The following CELSR1 variants were observed in gnomAD, a reference collection of about 807,000 sequenced individuals.
CELSR1 encodes the protein adhesion G protein-coupled receptor C1.
In CELSR1, 110 loss-of-function variants were observed where a neutral mutation model predicts 249.1. That is an observed-to-expected ratio of 0.44 (90% CI 0.38 to 0.52). The LOEUF is 0.52. Ranked by LOEUF, CELSR1 falls within the 20% of genes least tolerant of loss-of-function variation. CELSR1 has a pLI of 0.00. For missense variants in CELSR1, 4,109 were observed against 4,296.4 expected, an observed-to-expected ratio of 0.96 and a Z score of 1.22; for synonymous variants, 2,113 against 1,900.0, an observed-to-expected ratio of 1.11 and a Z score of -2.92.
In CELSR1 at chr22:46,381,281, A is replaced by G. The variant is rs1324732922; in HGVS notation, c.7089-326T>C. Among the ~76,000 whole-genome samples, 2 of 152,202 alleles carry G rather than the reference A, an allele frequency of 1.3e-5. No individual in the cohort carries two copies. Among genetic ancestry groups the G allele is most frequent in the African/African-American group, 4.8e-5 (2 of 41,452 alleles). ...CAGGGGATGGTTTCAGTGTCCAGCA[A>G]AAGACACCAAAATAATGGCAGCTCA... On this transcript the variant is annotated intron_variant, in intron 21 of 34. Transcript: ENST00000674500. This position sits in a 1 kb window ranked among gnomAD's most constrained non-coding sequence, Gnocchi z 6.0.
Position 46,433,422 on chromosome 22 carries a change from G to A in CELSR1, c.4582C>T (p.His1528Tyr), listed in dbSNP as rs1188640166. The change falls in exon 5 of 35, where the codon CAC (histidine) becomes TAC (tyrosine). Residue 1528 changes from histidine to tyrosine, a missense_variant. By Grantham distance (83) the His-to-Tyr change is moderately conservative. Coordinates refer to ENST00000674500, the MANE Select transcript of CELSR1 (RefSeq NM_001378328.1). The surrounding 1 kb of genome is among the most constrained non-coding windows in gnomAD (Gnocchi z 5.7). ...VPSGVSDGRW[H>Y]SVQVQYYNKP... Reference sequence around the variant, plus strand: ...TTGTAGTACTGCACCTGCACAGAGTGCCACCGCCCGTCACTCACACCACTG... The same window carrying A: ...TTGTAGTACTGCACCTGCACAGAGTACCACCGCCCGTCACTCACACCACTG... The A allele has an allele frequency of 2.5e-6, 4 of 1,613,958 alleles. No individual in the cohort carries two copies. The highest frequency in any genetic ancestry group is 3.4e-6 in the Non-Finnish European group (4 of 1,179,928).
rs2079341227 is a variant in CELSR1, at chr22:46,411,878, G to A, written c.4612-119C>T. On this transcript the variant is annotated intron_variant, in intron 5 of 34. Coordinates refer to ENST00000674500, the MANE Select transcript of CELSR1 (RefSeq NM_001378328.1). The surrounding 1 kb of genome is among the most constrained non-coding windows in gnomAD (Gnocchi z 4.2). ...CACAGGGTGGGCGGCACGTAGACAA[G>A]GGATGAGGAGCCCCCGGCCTTTAGT... 1.6e-6 allele frequency: 2 copies of A among 1,282,550 alleles called. No homozygotes were observed. Among genetic ancestry groups the A allele is most frequent in the Admixed American group, 1.8e-5 (1 of 55,022 alleles). 79.4% of individuals were successfully genotyped at this position (1,282,550 alleles called of 1,614,324 possible).
chr22:46,443,057 C>A (rs8135657), intron 2 of CELSR1, among the ~76,000 whole-genome samples: 1 of 151,788 alleles, frequency 6.6e-6, no homozygotes, highest in Non-Finnish European at 1.5e-5. Context: ...GAGATCGCAC[C>A]GCGGCACTCC....
chr22:46,367,058 C>A lies in CELSR1; in HGVS notation c.8140G>T (p.Gly2714Cys). Residue 2714 changes from glycine (G) to cysteine (C), a missense_variant, in exon 29 of 35, where the codon GGC (glycine) becomes TGC (cysteine). Around this residue, in one of 7 missense-constraint regions of CELSR1, gnomAD observed 1,805 missense variants for 1,831.6 expected, o/e 0.99. Transcript: ENST00000674500. ...LNQEVRKHLK[G>C]VLGGRKLHLE... ...TGCAGCTTCCTCCCGCCGAGCACGC[C>A]CTTCAGGTGCTTCCGGACCTCCTGG... 1 of 1,611,522 alleles carries A rather than the reference C, an allele frequency of 6.2e-7. No individual in the cohort carries two copies. Among genetic ancestry groups the A allele is most frequent in the Non-Finnish European group, 8.5e-7 (1 of 1,179,698 alleles).
intron 18 of CELSR1, among the ~76,000 whole-genome samples, chr22:46,386,986 G>A (rs1357677641): frequency 6.6e-6 from 1 of 152,104 alleles, no homozygotes; most frequent in Non-Finnish European, 1.5e-5. Flanking sequence ...TTGAACTCCT[G>A]ACCTCAGGTG....
Position 46,472,243 on chromosome 22 carries a change from T to C in CELSR1, c.3545-7898A>G, listed in dbSNP as rs2080163234. Among the ~76,000 whole-genome samples, 1 of 152,236 alleles carries C rather than the reference T, an allele frequency of 6.6e-6. No homozygotes were observed. Among genetic ancestry groups the C allele is most frequent in the South Asian group, 2.1e-4 (1 of 4,838 alleles). On this transcript the variant is annotated intron_variant, in intron 1 of 34. Transcript: ENST00000674500. The surrounding 1 kb of genome is among the most constrained non-coding windows in gnomAD (Gnocchi z 7.0). ...AACCACATCATGGGAAGGAACTTTC[T>C]GGGTCTTCATGGAGGTTGGGACCTG...
rs1037997026 is a variant in CELSR1 at position 46,389,430 on chromosome 22, G to A, written c.6415C>T (p.Arg2139Cys). The change falls in exon 18 of 35, where the codon CGC (arginine) becomes TGC (cysteine). Residue 2139 changes from arginine to cysteine, a missense_variant. Transcript: ENST00000674500. ...GTGCCCGTGTGCTGTGTAGCACTGC[G>A]CAGCGCCCTCACCAGCTGCAGGGCC... ...ARALQLVRAL[R>C]SATQHTGTLF... 13 of 1,612,686 alleles carry A rather than the reference G, an allele frequency of 8.1e-6. No individual in the cohort carries two copies. Among genetic ancestry groups the A allele is most frequent in the Middle Eastern group, 1.6e-4 (1 of 6,068 alleles).
At chr22:46,459,751 C>G (rs1412800456) in intron 2 of CELSR1, among the ~76,000 whole-genome samples, 2 of 152,238 alleles carry the variant, frequency 1.3e-5, no homozygotes, top group Admixed American at 1.3e-4. Flanking sequence ...CAAAATCACC[C>G]CTAGTGGAGA....
At chr22:46,459,140 G>A (rs149070055) in intron 2 of CELSR1, among the ~76,000 whole-genome samples, 579 of 152,174 alleles carry the variant, frequency 3.8e-3, no homozygotes, top group Non-Finnish European at 5.5e-3. Context: ...CACGTGCCTC[G>A]GCCTCCCAAA....
In CELSR1 at chr22:46,368,964, ACCT is replaced by A. The variant is rs896701259; in HGVS notation, c.7952+212_7952+214del. 4.1e-4 allele frequency among the ~76,000 whole-genome samples: 61 copies of A among 150,266 alleles called. 1 individual carries two copies. The highest frequency in any genetic ancestry group is 2.3e-3 in the South Asian group (11 of 4,732). On this transcript the variant is annotated intron_variant, in intron 27 of 34. Transcript: ENST00000674500. ...GCTGCCAGCCCCCTCCCTTCAGCTAACCTCCTCCAGCCCCCTCCCCTCAGCTAA... is the reference window on the plus strand; with the variant it reads ...GCTGCCAGCCCCCTCCCTTCAGCTAACCTCCAGCCCCCTCCCCTCAGCTAA...
At chr22:46,451,600 AC>A (rs2147522497) in intron 2 of CELSR1, among the ~76,000 whole-genome samples, 1 of 151,942 alleles carries the variant, frequency 6.6e-6, no homozygotes, top group East Asian at 2.0e-4. Flanking sequence ...GGCCCAGGTG[AC>A]CCCAGCCTGG....
In CELSR1 at chr22:46,395,381, G is replaced by A. The variant is rs903149816; in HGVS notation, c.5844-1119C>T. On this transcript the variant is annotated intron_variant, in intron 13 of 34. Coordinates refer to ENST00000674500, the MANE Select transcript of CELSR1 (RefSeq NM_001378328.1). The surrounding 1 kb of genome is among the most constrained non-coding windows in gnomAD (Gnocchi z 5.5). ...CAGCCGAATTCTGTTCCTGGCTTGC[G>A]GGCCCACCTCTGTCCCCACCCAGGC... is the stretch of plus-strand genomic sequence containing the variant. Among the ~76,000 whole-genome samples, 9 of 151,976 alleles carry A rather than the reference G, an allele frequency of 5.9e-5. No homozygotes were observed. The highest frequency in any genetic ancestry group is 4.2e-4 in the South Asian group (2 of 4,812).
chr22:46,521,663 A>G (rs1200849522), intron 1 of CELSR1, among the ~76,000 whole-genome samples: 2 of 151,774 alleles, frequency 1.3e-5, no homozygotes, highest in African/African-American at 2.4e-5. Flanking sequence ...CTAAAAATAT[A>G]AAAATTAGCC....
intron 5 of CELSR1, among the ~76,000 whole-genome samples, chr22:46,414,282 C>G: frequency 6.6e-6 from 1 of 152,174 alleles, no homozygotes; most frequent in South Asian, 2.1e-4. Context: ...CCACCGGCGG[C>G]CACTGGGTCA....
rs772588186 is a variant in CELSR1 at position 46,398,383 on chromosome 22, T to TA, written c.5526+140dup. Reference sequence around the variant, plus strand: ...GGTCTGAAGAGGAAACAGGAGCTGTTAAAGTGGGGATGCCTGTCAGACAAA... The same window carrying TA: ...GGTCTGAAGAGGAAACAGGAGCTGTTAAAAGTGGGGATGCCTGTCAGACAAA... On this transcript the variant is annotated intron_variant, in intron 11 of 34. Coordinates refer to ENST00000674500, the MANE Select transcript of CELSR1 (RefSeq NM_001378328.1). The surrounding 1 kb of genome is among the most constrained non-coding windows in gnomAD (Gnocchi z 7.2). 140 of 615,796 alleles carry TA rather than the reference T, an allele frequency of 2.3e-4. No individual in the cohort carries two copies. In the South Asian group the frequency reaches 2.7e-3, roughly 12 times the overall value. The allele number at this position is 615,796 out of a possible 1,614,324, so 38.1% of individuals were successfully genotyped here.
intron 1 of CELSR1, among the ~76,000 whole-genome samples, chr22:46,485,369 G>A (rs1404576777): frequency 2.0e-5 from 3 of 151,968 alleles, no homozygotes; most frequent in African/African-American, 4.8e-5. Context: ...TGTGAGTGGC[G>A]CCCCCAACTC....
chr22:46,420,559 A>T (rs1289519561), intron 5 of CELSR1, among the ~76,000 whole-genome samples: 1 of 152,178 alleles, frequency 6.6e-6, no homozygotes, highest in Non-Finnish European at 1.5e-5. Context: ...ATACTAGCAC[A>T]CACTTGTGTG....
chr22:46,385,225 TG>T (rs2079019748), intron 19 of CELSR1, among the ~76,000 whole-genome samples: 1 of 152,208 alleles, frequency 6.6e-6, no homozygotes, highest in South Asian at 2.1e-4. Flanking sequence ...CTCAAGTAGC[TG>T]GGAATACAGG....
rs2079079847 is a variant in CELSR1 at position 46,390,611 on chromosome 22, G to A, written c.6251-125C>T. On this transcript the variant is annotated intron_variant, in intron 16 of 34. Coordinates refer to ENST00000674500, the MANE Select transcript of CELSR1 (RefSeq NM_001378328.1). This position sits in a 1 kb window ranked among gnomAD's most constrained non-coding sequence, Gnocchi z 6.3. ...CTGCGTGGTGGTTAGAACCCCATGG[G>A]GGCCAGGAGGTCGACACCAGCGCCC... 2 of 725,264 alleles carry A rather than the reference G, an allele frequency of 2.8e-6. No homozygotes were observed. Among genetic ancestry groups the A allele is most frequent in the South Asian group, 4.1e-5 (2 of 48,342 alleles). 44.9% of individuals were successfully genotyped at this position (725,264 alleles called of 1,614,324 possible).
Sources: allele counts gnomAD v4.1 joint callset (sites outside exome capture counted in the v4.1 genomes callset), GRCh38; gene constraint gnomAD v4.1.1; regional missense constraint gnomAD v4.1.1; non-coding constraint Gnocchi (gnomAD v3.1); transcripts MANE v1.5; gene names NCBI Gene and HGNC (gene_info 2026-07-23, HGNC 2026-07-21).